Variants in ZNF821 observed in about 807,000 individuals in gnomAD.
ZNF821 encodes the protein zinc finger protein 821.
A neutral mutation model predicts 44.3 loss-of-function variants in ZNF821; 16 were observed. The ratio of observed to expected loss-of-function variants is 0.36; its 90% CI spans 0.24 to 0.55. The LOEUF (loss-of-function observed/expected upper bound fraction) is 0.55. ZNF821 is among the 20% of genes least tolerant of loss of function. ZNF821 has a pLI of 0.86. For synonymous variants in ZNF821, 204 were observed against 197.6 expected (o/e 1.03, Z -0.27); for missense variants, 436 against 547.6 (o/e 0.80, Z 2.03).
At chr16:71,875,760 C>T (rs867021147) in intron 3 of ZNF821, among the ~76,000 whole-genome samples, 9 of 152,058 alleles carry the variant, frequency 5.9e-5, no homozygotes, top group East Asian at 1.9e-4. Context: ...CCACGCCTGG[C>T]GCTAATTTTT....
intron 3 of ZNF821, among the ~76,000 whole-genome samples, chr16:71,871,983 C>T (rs1420161889): frequency 6.6e-6 from 1 of 152,090 alleles, no homozygotes; most frequent in Non-Finnish European, 1.5e-5. Flanking sequence ...AGGCAAGCAC[C>T]ACCACGCCTG....
intron 3 of ZNF821, among the ~76,000 whole-genome samples, chr16:71,878,740 G>A (rs1048419122): frequency 2.0e-5 from 3 of 152,028 alleles, no homozygotes; most frequent in East Asian, 1.9e-4. Flanking sequence ...GGCCAGCCTC[G>A]CCAACATGGT....
chr16:71,878,113 C>CTTTTTTTTTTTTTTTTTTTTT (rs59096817), intron 3 of ZNF821, among the ~76,000 whole-genome samples: 1 of 121,748 alleles, frequency 8.2e-6, no homozygotes, highest in Admixed American at 8.5e-5. Flanking sequence ...AACTATTTGT[C>CTTTTTTTTTTTTTTTTTTTTT]TTTTTTTTTT....
At chr16:71,887,259 C>CTTTT (rs60449301), upstream of ZNF821, among the ~76,000 whole-genome samples, 5 of 124,874 alleles carry the variant, frequency 4.0e-5, no homozygotes, top group East Asian at 2.3e-4. Context: ...TATATTCAAC[C>CTTTT]TTTTTTTTTT....
rs576969461 is a variant in ZNF821, at chr16:71,873,250, A to T, written c.41-5213T>A. The stretch of plus-strand genomic sequence containing the variant: ...GGCAGGAGAATTGCCTGAACCTGGG[A>T]GGCGGAGGTTGCAGTGAGCCAAGAT... On this transcript the variant is annotated intron_variant, in intron 3 of 7. Coordinates refer to ENST00000425432, the MANE Select transcript of ZNF821 (RefSeq NM_001201552.2). 9.2e-5 allele frequency among the ~76,000 whole-genome samples: 14 copies of T among 152,040 alleles called. No homozygotes were observed. The South Asian group carries it at 2.9e-3, about 32-fold the overall frequency.
rs939912586 is a variant in ZNF821, at chr16:71,895,033, G to A, written n.304C>T. The A allele has an allele frequency of 2.2e-5, 11 of 506,496 alleles. No individual in the cohort carries two copies. In the Admixed American group the frequency reaches 4.0e-4, roughly 18 times the overall value. 31.4% of individuals were successfully genotyped at this position (506,496 alleles called of 1,614,324 possible). On this transcript the variant is annotated non_coding_transcript_exon_variant, in exon 1 of 3. Coordinates refer to the ZNF821 transcript ENST00000561700. Reference sequence around the variant, plus strand: ...GGGGAACGCTTAGAGCCCGTAGAGGGACACGGAGGCGCTGGGTGAAGAGTC... The same window carrying A: ...GGGGAACGCTTAGAGCCCGTAGAGGAACACGGAGGCGCTGGGTGAAGAGTC...
intron 3 of ZNF821, among the ~76,000 whole-genome samples, chr16:71,868,942 G>A (rs538370826): frequency 6.6e-5 from 10 of 152,220 alleles, no homozygotes; most frequent in African/African-American, 2.2e-4. Flanking sequence ...GATTACAGGC[G>A]TGAGCCACCA....
intron 3 of ZNF821, among the ~76,000 whole-genome samples, chr16:71,874,552 C>G (rs2035592600): frequency 6.6e-6 from 1 of 151,986 alleles, no homozygotes; most frequent in Non-Finnish European, 1.5e-5. Context: ...CTCCTGGGTT[C>G]AAGCAATCCT....
intron 3 of ZNF821, among the ~76,000 whole-genome samples, chr16:71,868,350 A>G (rs1490537384): frequency 6.6e-6 from 1 of 152,220 alleles, no homozygotes; most frequent in African/African-American, 2.4e-5. Flanking sequence ...ACAACCTTCC[A>G]TCAGGATTGG....
Position 71,884,135 on chromosome 16 carries a change from G to A in ZNF821, c.-368C>T, listed in dbSNP as rs1441723089. The stretch of plus-strand genomic sequence containing the variant: ...GCCAACAGCAGACAGACAGACGGAG[G>A]GGGAAAAAGATGGCGACGCGGGCGG... On this transcript the variant is annotated 5_prime_UTR_variant, in exon 1 of 8. Transcript: ENST00000425432. 4 of 152,172 alleles carry A rather than the reference G, an allele frequency of 2.6e-5. No individual in the cohort carries two copies. Among genetic ancestry groups the A allele is most frequent in the African/African-American group, 7.2e-5 (3 of 41,422 alleles). 9.4% of individuals were successfully genotyped at this position (152,172 alleles called of 1,614,324 possible).
At chr16:71,867,187 C>G (rs1040878403) in intron 4 of ZNF821, among the ~76,000 whole-genome samples, 1 of 152,148 alleles carries the variant, frequency 6.6e-6, no homozygotes, top group Non-Finnish European at 1.5e-5. Context: ...TAAAACTGGG[C>G]CTTCAAGCAA....
At chr16:71,894,269 CT>C (rs556126364) in intron 1 of ZNF821, 71 of 146,672 alleles carry the variant, frequency 4.8e-4, no homozygotes, top group South Asian at 1.9e-3. Flanking sequence ...TCTTTTTTCC[CT>C]TTTTTTTTTT....
At chr16:71,875,317 C>A (rs566839348) in intron 3 of ZNF821, among the ~76,000 whole-genome samples, 8 of 152,004 alleles carry the variant, frequency 5.3e-5, no homozygotes, top group African/African-American at 1.7e-4. Flanking sequence ...AGTCTCACTC[C>A]GTCGCCCAGG....
intron 3 of ZNF821, among the ~76,000 whole-genome samples, chr16:71,868,708 T>A (rs1163064526): frequency 1.3e-5 from 2 of 152,094 alleles, no homozygotes; most frequent in Non-Finnish European, 2.9e-5. Flanking sequence ...ACACTGCTAA[T>A]TTACAACAAA....
Position 71,872,222 on chromosome 16 carries a change from G to A in ZNF821, c.41-4185C>T, listed in dbSNP as rs145758149. ...GAATGAGATGAAAGTTATTAGAAAG[G>A]TAAAGATTTTACAGTTCTCTCTTGG... is the stretch of plus-strand genomic sequence containing the variant. On this transcript the variant is annotated intron_variant, in intron 3 of 7. Transcript: ENST00000425432. Among the ~76,000 whole-genome samples the A allele has an allele frequency of 7.4e-4, 112 of 152,240 alleles. 1 individual carries two copies. The highest frequency in any genetic ancestry group is 2.5e-3 in the African/African-American group (104 of 41,546).
At chr16:71,867,301 G>C (rs376501357) in intron 4 of ZNF821, among the ~76,000 whole-genome samples, 2 of 152,120 alleles carry the variant, frequency 1.3e-5, no homozygotes, top group South Asian at 2.1e-4. Context: ...GGGACTGCTT[G>C]AGCACTATTT....
chr16:71,877,237 T>C (rs1036445604), intron 3 of ZNF821, among the ~76,000 whole-genome samples: 3 of 152,158 alleles, frequency 2.0e-5, no homozygotes, highest in African/African-American at 4.8e-5. Context: ...ATAAAGTGCA[T>C]AGTGCCTGGG....
intron 3 of ZNF821, among the ~76,000 whole-genome samples, chr16:71,877,513 G>A (rs899996349): frequency 6.6e-6 from 1 of 152,096 alleles, no homozygotes; most frequent in Non-Finnish European, 1.5e-5. Context: ...TCCTGCCTTG[G>A]CCTCCCAAAG....
intron 7 of ZNF821, among the ~76,000 whole-genome samples, chr16:71,861,190 A>T (rs904676239): frequency 4.6e-5 from 7 of 152,220 alleles, no homozygotes; most frequent in Non-Finnish European, 1.0e-4. Context: ...TCTGGAGTTA[A>T]CTGAGCCACC....
Sources: allele counts gnomAD v4.1 joint callset (sites outside exome capture counted in the v4.1 genomes callset), GRCh38; gene constraint gnomAD v4.1.1; transcripts MANE v1.5; gene names NCBI Gene and HGNC (gene_info 2026-07-23, HGNC 2026-07-21).